FBXL17: variants seen among roughly 807,000 people sequenced by gnomAD.
The protein encoded by FBXL17 is F-box and leucine rich repeat protein 17, also known as F-box/LRR-repeat protein 17.
A neutral mutation model predicts 66.2 loss-of-function variants in FBXL17; 22 were observed. That is an observed-to-expected ratio of 0.33 (90% CI 0.24 to 0.47). The LOEUF is 0.47. Among genes scored for constraint, FBXL17 ranks in the 20% least tolerant of loss-of-function variants. The pLI, the probability that FBXL17 is intolerant of heterozygous loss-of-function variation, is 1.00. For synonymous variants in FBXL17, 474 were observed against 400.5 expected, an observed-to-expected ratio of 1.18 and a Z score of -2.19; for missense variants, 878 against 948.2, an observed-to-expected ratio of 0.93 and a Z score of 0.97.
At chr5:107,914,634 A>T (rs1245562070) in intron 7 of FBXL17, among the ~76,000 whole-genome samples, 1 of 152,218 alleles carries the variant, frequency 6.6e-6, no homozygotes, top group Non-Finnish European at 1.5e-5. Flanking sequence ...GACATAAGTC[A>T]ACCCCACCCA....
intron 4 of FBXL17, among the ~76,000 whole-genome samples, chr5:108,241,530 G>C (rs1580676751): frequency 6.6e-6 from 1 of 152,180 alleles, no homozygotes; most frequent in Non-Finnish European, 1.5e-5. Flanking sequence ...AAATCTAAGA[G>C]CTATTGCCTT....
intron 6 of FBXL17, among the ~76,000 whole-genome samples, chr5:108,148,107 A>G (rs1159677993): frequency 6.6e-6 from 1 of 152,180 alleles, no homozygotes; most frequent in Admixed American, 6.5e-5. Flanking sequence ...TTGTATATAT[A>G]CGGGTAGCTG....
chr5:107,879,571 A>T (rs1465222307), intron 8 of FBXL17: 1 of 985,322 alleles, frequency 1.0e-6, no homozygotes, highest in African/African-American at 1.7e-5. Context: ...ATAAGTTGGG[A>T]TTCTAAAGTG....
At chr5:108,278,840 T>TG (rs1415727591) in intron 4 of FBXL17, among the ~76,000 whole-genome samples, 1 of 152,180 alleles carries the variant, frequency 6.6e-6, no homozygotes, top group Non-Finnish European at 1.5e-5. Context: ...CACTTGCCAC[T>TG]GGGGGTCCTG....
intron 7 of FBXL17, among the ~76,000 whole-genome samples, chr5:107,918,672 G>GTTACC (rs1195433465): frequency 6.6e-6 from 1 of 152,150 alleles, no homozygotes; most frequent in African/African-American, 2.4e-5. Flanking sequence ...ATTTGAAATA[G>GTTACC]TTACCTTACT....
At chr5:108,083,343 T>A (rs140641607) in intron 6 of FBXL17, among the ~76,000 whole-genome samples, 1,919 of 152,248 alleles carry the variant, frequency 0.013, 18 homozygotes, top group Non-Finnish European at 0.02. Flanking sequence ...TAGCTCCATG[T>A]AAACTCACAA....
chr5:108,019,665 ACTCT>A (rs147557393), intron 7 of FBXL17, among the ~76,000 whole-genome samples: 3,745 of 148,958 alleles, frequency 0.025, 160 homozygotes, highest in African/African-American at 0.087. Context: ...ACACACACAC[ACTCT>A]CTCTCTCTCT....
At chr5:108,256,421 C>T (rs2150120134) in intron 4 of FBXL17, among the ~76,000 whole-genome samples, 1 of 151,972 alleles carries the variant, frequency 6.6e-6, no homozygotes, top group Admixed American at 6.6e-5. Context: ...CAAGTAACTC[C>T]AAAACGTTTG....
intron 5 of FBXL17, among the ~76,000 whole-genome samples, chr5:108,215,174 C>A (rs1300156512): frequency 6.6e-6 from 1 of 152,158 alleles, no homozygotes; most frequent in Non-Finnish European, 1.5e-5. Context: ...TATGGGCATT[C>A]ATGTACAAGT....
At chr5:107,891,752 G>A (rs1212088905) in intron 7 of FBXL17, among the ~76,000 whole-genome samples, 1 of 152,142 alleles carries the variant, frequency 6.6e-6, no homozygotes, top group Non-Finnish European at 1.5e-5. Context: ...CCTTGGATTA[G>A]TAGGAATACA....
chr5:108,298,835 CTAACA>C (rs1423277120), intron 4 of FBXL17: 1 of 901,240 alleles, frequency 1.1e-6, no homozygotes, highest in Non-Finnish European at 1.3e-6. Flanking sequence ...AAATAAAAAC[CTAACA>C]TGTCAGCATT....
chr5:108,002,182 ATT>A (rs765399250), intron 7 of FBXL17, among the ~76,000 whole-genome samples: 8 of 109,482 alleles, frequency 7.3e-5, no homozygotes, highest in Admixed American at 9.4e-5. Flanking sequence ...CACCCAGCTA[ATT>A]TTTTTTTTTT....
Position 108,314,385 on chromosome 5 carries a change from T to G in FBXL17, c.1506+34014A>C, listed in dbSNP as rs531764990. On this transcript the variant is annotated intron_variant, in intron 4 of 8. Transcript: ENST00000542267. ...AAAGACTAGATATATAAGAAAAAAGTAATTCTGTGAAAACATAAAATTCCT... is the reference window on the plus strand; with the variant it reads ...AAAGACTAGATATATAAGAAAAAAGGAATTCTGTGAAAACATAAAATTCCT... Among the ~76,000 whole-genome samples, 55 of 151,800 alleles carry G rather than the reference T, an allele frequency of 3.6e-4. No homozygotes were observed. The South Asian group carries it at 0.011, about 31-fold the overall frequency.
intron 7 of FBXL17, among the ~76,000 whole-genome samples, chr5:107,967,440 G>GT (rs1752191649): frequency 6.8e-6 from 1 of 147,078 alleles, no homozygotes; most frequent in Non-Finnish European, 1.5e-5. Context: ...TTTAGGACCC[G>GT]TTTAAAACAA....
chr5:107,915,530 T>C (rs1750099847), intron 7 of FBXL17, among the ~76,000 whole-genome samples: 1 of 152,200 alleles, frequency 6.6e-6, no homozygotes, highest in African/African-American at 2.4e-5. Flanking sequence ...AACAGTCTTC[T>C]TTTCTGCAAG....
At chr5:108,185,313 G>T (rs1044571696) in intron 6 of FBXL17, among the ~76,000 whole-genome samples, 3 of 152,080 alleles carry the variant, frequency 2.0e-5, no homozygotes, top group Non-Finnish European at 4.4e-5. Flanking sequence ...TGGATCATGG[G>T]GGCAGATTTA....
At chr5:108,372,227 C>T (rs1046682564) in intron 1 of FBXL17, among the ~76,000 whole-genome samples, 1 of 151,914 alleles carries the variant, frequency 6.6e-6, no homozygotes, top group Non-Finnish European at 1.5e-5. Flanking sequence ...AATCAGCAAA[C>T]CTAAAGATAG....
chr5:108,328,388 T>C (rs924168405), intron 4 of FBXL17, among the ~76,000 whole-genome samples: 1 of 152,074 alleles, frequency 6.6e-6, no homozygotes, highest in South Asian at 2.1e-4. Flanking sequence ...GACGTGCCTC[T>C]TGGTTTCATC....
Position 108,146,344 on chromosome 5 carries a change from C to T in FBXL17, c.1745+39773G>A, listed in dbSNP as rs181661402. ...TGAAGCACAAATCCCCATATTCGAA[C>T]GAGGATTAATTTGATTCATGGGCTC... On this transcript the variant is annotated intron_variant, in intron 6 of 8. Coordinates refer to ENST00000542267, the MANE Select transcript of FBXL17 (RefSeq NM_001163315.3). 7.0e-3 allele frequency among the ~76,000 whole-genome samples: 1,062 copies of T among 151,656 alleles called. 16 individuals carry two copies. Among genetic ancestry groups the T allele is most frequent in the African/African-American group, 0.024 (984 of 41,340 alleles).
Sources: gnomAD v4.1 joint callset for allele counts (sites outside exome capture counted in the v4.1 genomes callset) on GRCh38, gnomAD v4.1.1 for gene constraint, MANE v1.5 for transcripts, NCBI Gene and HGNC (gene_info 2026-07-23, HGNC 2026-07-21) for gene names.